The following FBXL17 variants were observed in gnomAD, a reference collection of about 807,000 sequenced individuals.
FBXL17 encodes F-box/LRR-repeat protein 17.
Under a neutral mutation model 66.2 loss-of-function variants are expected in FBXL17, and 22 were observed. The ratio of observed to expected loss-of-function variants is 0.33; its 90% CI spans 0.24 to 0.47. The LOEUF (loss-of-function observed/expected upper bound fraction) is 0.47. FBXL17 is among the 20% of genes least tolerant of loss of function. The pLI is 1.00. For synonymous variants in FBXL17, 474 were observed against 400.5 expected (o/e 1.18, Z -2.19); for missense variants, 878 against 948.2 (o/e 0.93, Z 0.97).
chr5:108,367,420 G>A (rs1748737119), intron 2 of FBXL17, among the ~76,000 whole-genome samples: 1 of 151,988 alleles, frequency 6.6e-6, no homozygotes, highest in South Asian at 2.1e-4. Context: ...TACTCACAGA[G>A]TTGTTGGGTG....
chr5:108,322,906 C>T (rs1759682983), intron 4 of FBXL17, among the ~76,000 whole-genome samples: 1 of 151,836 alleles, frequency 6.6e-6, no homozygotes, highest in African/African-American at 2.4e-5. Flanking sequence ...ATAACATGTT[C>T]GGTTTATAGC....
At chr5:108,067,621 C>T (rs1455542407) in intron 6 of FBXL17, among the ~76,000 whole-genome samples, 2 of 151,606 alleles carry the variant, frequency 1.3e-5, no homozygotes, top group Non-Finnish European at 2.9e-5. Context: ...CATATTTTAA[C>T]TATAATTAAG....
At chr5:108,355,261 TTTA>T (rs1292294399) in intron 3 of FBXL17, among the ~76,000 whole-genome samples, 2 of 21,888 alleles carry the variant, frequency 9.1e-5, no homozygotes, top group African/African-American at 2.3e-4. Context: ...GATGAAAAAC[TTTA>T]TTTATTTATT....
At chr5:108,266,719 A>G (rs1043567122) in intron 4 of FBXL17, among the ~76,000 whole-genome samples, 10 of 152,326 alleles carry the variant, frequency 6.6e-5, no homozygotes, top group African/African-American at 2.2e-4. Flanking sequence ...ATTGTGAAGA[A>G]GGAAAAAGAA....
Position 108,286,623 on chromosome 5 carries a change from C to A in FBXL17, c.1506+61776G>T, listed in dbSNP as rs143420492. On this transcript the variant is annotated intron_variant, in intron 4 of 8. Transcript: ENST00000542267. ...TCTCTACAGTAAGAATTACAAAACA[C>A]TGCTCAAAGAAATCAGAGATGACAC... Among the ~76,000 whole-genome samples the A allele has an allele frequency of 3.6e-3, 542 of 152,046 alleles. 4 individuals carry two copies. Among genetic ancestry groups the A allele is most frequent in the African/African-American group, 0.013 (519 of 41,518 alleles).
chr5:108,110,763 G>GA (rs1294773006), intron 6 of FBXL17, among the ~76,000 whole-genome samples: 31 of 151,264 alleles, frequency 2.0e-4, no homozygotes, highest in African/African-American at 5.3e-4. Flanking sequence ...AAAAAGGGGC[G>GA]AATTTGTGCC....
chr5:107,966,249 G>T (rs912171256), intron 7 of FBXL17, among the ~76,000 whole-genome samples: 5 of 152,030 alleles, frequency 3.3e-5, no homozygotes, highest in African/African-American at 4.8e-5. Flanking sequence ...GATAAGCCCT[G>T]ACTATCTGTA....
At chr5:108,050,873 G>T (rs768628664) in intron 6 of FBXL17, among the ~76,000 whole-genome samples, 6 of 151,970 alleles carry the variant, frequency 3.9e-5, no homozygotes, top group Non-Finnish European at 8.8e-5. Context: ...TATATTTGAT[G>T]AAATCAAATA....
intron 7 of FBXL17, among the ~76,000 whole-genome samples, chr5:108,000,819 A>G (rs1400808201): frequency 1.3e-5 from 2 of 152,242 alleles, no homozygotes; most frequent in Admixed American, 1.3e-4. Flanking sequence ...ATGAATGAAA[A>G]CAACATCCAT....
At chr5:108,008,671 T>A (rs1169183243) in intron 7 of FBXL17, among the ~76,000 whole-genome samples, 1 of 152,162 alleles carries the variant, frequency 6.6e-6, no homozygotes, top group African/African-American at 2.4e-5. Flanking sequence ...TATACCATCT[T>A]CTAGCATATT....
At chr5:108,124,170 A>C (rs1750608411) in intron 6 of FBXL17, among the ~76,000 whole-genome samples, 1 of 152,108 alleles carries the variant, frequency 6.6e-6, no homozygotes, top group Admixed American at 6.5e-5. Flanking sequence ...AATTCATCTT[A>C]AACATTGCAA....
intron 5 of FBXL17, among the ~76,000 whole-genome samples, chr5:108,193,807 T>C (rs965459202): frequency 6.6e-6 from 1 of 152,124 alleles, no homozygotes; most frequent in Non-Finnish European, 1.5e-5. Flanking sequence ...ACCTTCTCTA[T>C]GTATTCTCTT....
chr5:108,145,494 T>G (rs1318595166), intron 6 of FBXL17, among the ~76,000 whole-genome samples: 1 of 152,182 alleles, frequency 6.6e-6, no homozygotes, highest in Non-Finnish European at 1.5e-5. Context: ...ATTTCCCTCA[T>G]TAAGCAATAC....
At chr5:108,074,310 A>ATT (rs33988328) in intron 6 of FBXL17, among the ~76,000 whole-genome samples, 1 of 137,286 alleles carries the variant, frequency 7.3e-6, no homozygotes, top group African/African-American at 3.1e-5. Flanking sequence ...ATTTGAAAAG[A>ATT]TTTTTTTTTT....
chr5:108,339,597 T>TAA (rs1445312496), intron 4 of FBXL17, among the ~76,000 whole-genome samples: 1 of 149,812 alleles, frequency 6.7e-6, no homozygotes, highest in Non-Finnish European at 1.5e-5. Flanking sequence ...AAAAAGGACT[T>TAA]AAACTACAGA....
intron 7 of FBXL17, among the ~76,000 whole-genome samples, chr5:107,883,478 G>C (rs1180617280): frequency 2.0e-5 from 3 of 151,898 alleles, no homozygotes; most frequent in African/African-American, 7.3e-5. Flanking sequence ...GTGGGGGGTG[G>C]GTGCGACGTG....
chr5:107,869,686 T>C (rs1190807604), intron 8 of FBXL17, among the ~76,000 whole-genome samples: 1 of 152,152 alleles, frequency 6.6e-6, no homozygotes, highest in Non-Finnish European at 1.5e-5. Context: ...ACATGCCACA[T>C]TCTGCTGAGG....
At chr5:108,206,205 T>A (rs2150054760) in intron 5 of FBXL17, among the ~76,000 whole-genome samples, 1 of 152,316 alleles carries the variant, frequency 6.6e-6, no homozygotes, top group South Asian at 2.1e-4. Flanking sequence ...ACTAGAATCC[T>A]ATTCAGAAGA....
intron 6 of FBXL17, among the ~76,000 whole-genome samples, chr5:108,137,047 G>C (rs1309220274): frequency 6.6e-6 from 1 of 152,032 alleles, no homozygotes; most frequent in East Asian, 1.9e-4. Context: ...TTAAAAATTA[G>C]ACTTATCAGA....
Sources: allele counts gnomAD v4.1 joint callset (sites outside exome capture counted in the v4.1 genomes callset), GRCh38; gene constraint gnomAD v4.1.1; transcripts MANE v1.5; gene names NCBI Gene and HGNC (gene_info 2026-07-23, HGNC 2026-07-21).